INTU: variants seen among roughly 807,000 people sequenced by gnomAD.
INTU encodes the protein protein inturned.
Under a neutral mutation model 100.5 loss-of-function variants are expected in INTU, and 68 were observed. The ratio of observed to expected loss-of-function variants is 0.68; its 90% CI spans 0.56 to 0.83. INTU has a LOEUF of 0.83. Among genes scored for constraint, INTU ranks in the 40% least tolerant of loss-of-function variants. The probability of loss-of-function intolerance (pLI) is 0.00; values close to 1 mark genes in which losing one functional copy is unlikely to be tolerated. For synonymous variants in INTU, 357 were observed against 395.7 expected (o/e 0.90, Z 1.16); for missense variants, 1,071 against 1,114.7 (o/e 0.96, Z 0.56).
rs73847030 is a variant in INTU at position 127,661,123 on chromosome 4, A to T, written c.769-2258A>T. Among the ~76,000 whole-genome samples, 592 of 152,274 alleles carry T rather than the reference A, an allele frequency of 3.9e-3. 4 individuals are homozygous for T. The highest frequency in any genetic ancestry group is 0.014 in the African/African-American group (571 of 41,562). ...TAGTGGCTGAAATAGTTCCCTAAGG[A>T]ATTTTAATGGATGGTTCGGTGGTGT... On this transcript the variant is annotated intron_variant, in intron 3 of 15. Coordinates refer to ENST00000335251, the MANE Select transcript of INTU (RefSeq NM_015693.4).
intron 2 of INTU, among the ~76,000 whole-genome samples, chr4:127,651,461 T>C (rs1369261760): frequency 1.3e-5 from 2 of 152,236 alleles, no homozygotes; most frequent in South Asian, 2.1e-4. Flanking sequence ...CCCAGCACCA[T>C]TTATTAAATA....
intron 3 of INTU, among the ~76,000 whole-genome samples, chr4:127,660,424 A>G (rs1405468235): frequency 6.6e-6 from 1 of 152,184 alleles, no homozygotes; most frequent in Non-Finnish European, 1.5e-5. Context: ...AGGACAACAC[A>G]TGCAGAGAGC....
intron 15 of INTU, among the ~76,000 whole-genome samples, chr4:127,715,032 G>A (rs1027408524): frequency 6.6e-6 from 1 of 151,996 alleles, no homozygotes; most frequent in Non-Finnish European, 1.5e-5. Context: ...TATAGGTATA[G>A]AGAGAAATCT....
intron 8 of INTU, among the ~76,000 whole-genome samples, chr4:127,697,522 A>G (rs1730446948): frequency 6.6e-6 from 1 of 151,812 alleles, no homozygotes; most frequent in African/African-American, 2.4e-5. Flanking sequence ...CTGTGATATC[A>G]GCTTTTTTAG....
chr4:127,708,528 C>G (rs769646319), intron 12 of INTU, 43 bp from the exon 13 acceptor site: 3 of 1,006,286 alleles, frequency 3.0e-6, no homozygotes, highest in African/African-American at 3.3e-5. Flanking sequence ...CTATATGATT[C>G]CATTCTTAGA....
intron 1 of INTU, among the ~76,000 whole-genome samples, chr4:127,634,254 T>A (rs750253976): frequency 2.3e-4 from 35 of 152,352 alleles, no homozygotes; most frequent in Non-Finnish European, 4.4e-4. Context: ...AATTTTAAAA[T>A]TCATGATTAT....
At position 127,700,064 on chromosome 4, in the gene INTU, G is replaced by GTAA. The variant is rs1730580684; in HGVS notation, c.1503+2_1503+4dup. 1 of 1,602,616 alleles carries GTAA rather than the reference G, an allele frequency of 6.2e-7. No homozygotes were observed. Among genetic ancestry groups the GTAA allele is most frequent in the Admixed American group, 1.7e-5 (1 of 58,884 alleles). On this transcript the variant is annotated splice_donor_variant, in intron 9 of 15. Transcript: ENST00000335251. LOFTEE classifies it high-confidence loss of function. ...GGAGGCTGCAGATTTTGCAGAACTGGTAAGGGAAGGAGTGGATTTTATAAA... is the reference window on the plus strand; with the variant it reads ...GGAGGCTGCAGATTTTGCAGAACTGGTAATAAGGGAAGGAGTGGATTTTATAAA...
At chr4:127,662,895 A>G (rs1279124082) in intron 3 of INTU, among the ~76,000 whole-genome samples, 2 of 152,182 alleles carry the variant, frequency 1.3e-5, no homozygotes, top group African/African-American at 4.8e-5. Flanking sequence ...TGTCTGAGAG[A>G]AGAATATTTG....
chr4:127,659,985 C>G (rs1035307656), intron 3 of INTU, among the ~76,000 whole-genome samples: 3 of 152,136 alleles, frequency 2.0e-5, no homozygotes, highest in African/African-American at 7.2e-5. Flanking sequence ...AATCTATTCT[C>G]AGAACCCAGA....
intron 7 of INTU, 75 bp from the exon 8 acceptor site, chr4:127,687,603 A>G: frequency 8.8e-7 from 1 of 1,142,072 alleles, no homozygotes. Flanking sequence ...GGAAAGATCC[A>G]GTTCCCTTAG....
chr4:127,645,842 G>A (rs914938583), intron 2 of INTU, among the ~76,000 whole-genome samples: 8 of 152,040 alleles, frequency 5.3e-5, no homozygotes, highest in African/African-American at 1.9e-4. Flanking sequence ...GGGATTACAG[G>A]CGTGAGCCAC....
At chr4:127,688,193 TTA>T (rs1320008888) in intron 8 of INTU, among the ~76,000 whole-genome samples, 1 of 151,328 alleles carries the variant, frequency 6.6e-6, no homozygotes, top group Non-Finnish European at 1.5e-5. Context: ...CAAGTTAGAA[TTA>T]TGTTTCTGTA....
Position 127,716,377 on chromosome 4 carries a change from T to C in INTU, c.2770T>C (p.Ser924Pro), listed in dbSNP as rs1286287194. ...AGAACTTTATGTCTGTTTTCATGACTCAGTCACAGAAATTGCCATTGAAAT... is the reference window on the plus strand; with the variant it reads ...AGAACTTTATGTCTGTTTTCATGACCCAGTCACAGAAATTGCCATTGAAAT... ...PQELYVCFHD[S>P]VTEIAIEIAF... The change falls in exon 16 of 16, where the codon TCA (serine) becomes CCA (proline). Residue 924 changes from serine to proline, a missense_variant. Physicochemically the swap from Ser to Pro is moderately conservative, Grantham distance 74. Transcript: ENST00000335251. 5 of 1,591,830 alleles carry C rather than the reference T, an allele frequency of 3.1e-6. No homozygotes were observed. The highest frequency in any genetic ancestry group is 4.3e-6 in the Non-Finnish European group (5 of 1,169,320).
At chr4:127,672,697 T>G (rs1037574751) in intron 5 of INTU, among the ~76,000 whole-genome samples, 1 of 152,054 alleles carries the variant, frequency 6.6e-6, no homozygotes, top group African/African-American at 2.4e-5. Context: ...ATAGTAATAT[T>G]AGTATACTAT....
intron 9 of INTU, among the ~76,000 whole-genome samples, chr4:127,703,192 A>T (rs1193019544): frequency 6.6e-6 from 1 of 152,222 alleles, no homozygotes; most frequent in Non-Finnish European, 1.5e-5. Flanking sequence ...GAATAGTAGT[A>T]TTCCATCATA....
chr4:127,652,829 C>T (rs1399243496), intron 2 of INTU, among the ~76,000 whole-genome samples: 4 of 132,120 alleles, frequency 3.0e-5, no homozygotes, highest in Admixed American at 1.6e-4. Context: ...TGGTAGAATT[C>T]GGCTGTGAAT....
chr4:127,704,268 TG>T lies in INTU; in HGVS notation c.1548del (p.Ser517LeufsTer9). The T allele has an allele frequency of 6.2e-7, 1 of 1,611,038 alleles. No individual in the cohort carries two copies. The highest frequency in any genetic ancestry group is 1.7e-5 in the Admixed American group (1 of 59,954). On this transcript the variant is annotated frameshift_variant, in exon 10 of 16. Transcript: ENST00000335251. LOFTEE classifies it high-confidence loss of function. Reference sequence around the variant, plus strand: ...GACATGAGGCGGCTGTATACAATTTTGGGGTCTTCTCTATTTTACAAGGTAA... The same window carrying T: ...GACATGAGGCGGCTGTATACAATTTTGGGTCTTCTCTATTTTACAAGGTAA... ...YYDMRRLYTI[L>X]GSSLFYKGYL...
chr4:127,636,627 A>G (rs1727086098), intron 1 of INTU, among the ~76,000 whole-genome samples: 2 of 151,998 alleles, frequency 1.3e-5, no homozygotes, highest in African/African-American at 2.4e-5. Context: ...AAAAAAAAAA[A>G]AAAAATCTGT....
chr4:127,677,566 AAC>A (rs1413344279), intron 6 of INTU, among the ~76,000 whole-genome samples: 1 of 151,842 alleles, frequency 6.6e-6, no homozygotes, highest in African/African-American at 2.4e-5. Context: ...AAAACTAACA[AAC>A]AGAAAGGACA....
Sources: allele counts gnomAD v4.1 joint callset (sites outside exome capture counted in the v4.1 genomes callset), GRCh38; gene constraint gnomAD v4.1.1; transcripts MANE v1.5; gene names NCBI Gene and HGNC (gene_info 2026-07-23, HGNC 2026-07-21).